PLCE1: variants seen among roughly 807,000 people sequenced by gnomAD.
PLCE1 encodes 1-phosphatidylinositol 4,5-bisphosphate phosphodiesterase epsilon-1.
Under a neutral mutation model 242.8 loss-of-function variants are expected in PLCE1, and 119 were observed. That is an observed-to-expected ratio of 0.49 (90% CI 0.42 to 0.57). The LOEUF (loss-of-function observed/expected upper bound fraction) is 0.57, where lower values mean the gene tolerates loss of function less well. PLCE1 is among the 20% of genes least tolerant of loss of function. The pLI is 0.00. For missense variants in PLCE1, 2,441 were observed against 2,788.8 expected (o/e 0.88, Z 2.81); for synonymous variants, 945 against 1,017.4 (o/e 0.93, Z 1.35).
chr10:94,111,526 G>A (rs1236339509), intron 2 of PLCE1, among the ~76,000 whole-genome samples: 5 of 152,180 alleles, frequency 3.3e-5, no homozygotes, highest in Non-Finnish European at 1.5e-5. Context: ...CCCTCAGCTT[G>A]CTGGTGGAAG....
chr10:94,184,545 G>A (rs1004619672), intron 4 of PLCE1, among the ~76,000 whole-genome samples: 1 of 152,126 alleles, frequency 6.6e-6, no homozygotes, highest in African/African-American at 2.4e-5. Context: ...GGCCAGGCTG[G>A]TTTTGAACTC....
chr10:94,055,028 A>AAT (rs1554845673), intron 2 of PLCE1, among the ~76,000 whole-genome samples: 4 of 151,236 alleles, frequency 2.6e-5, no homozygotes, highest in Non-Finnish European at 5.9e-5. Context: ...AAAAAAAAAA[A>AAT]GAAAAATGCC....
intron 19 of PLCE1, 174 bp from the exon 20 acceptor site, chr10:94,279,608 C>G (rs1564855892): frequency 3.0e-6 from 2 of 670,102 alleles, no homozygotes; most frequent in Non-Finnish European, 5.3e-6. Flanking sequence ...AACGTTCACC[C>G]AAGTGTTGAC....
chr10:94,160,097 A>G (rs1488606361), intron 3 of PLCE1, among the ~76,000 whole-genome samples: 1 of 152,192 alleles, frequency 6.6e-6, no homozygotes. Context: ...ATGTGTCTTT[A>G]TAGCAGCATG....
chr10:94,134,752 C>T (rs1231707499), intron 3 of PLCE1, among the ~76,000 whole-genome samples: 1 of 152,148 alleles, frequency 6.6e-6, no homozygotes, highest in African/African-American at 2.4e-5. Flanking sequence ...AATTTGACTT[C>T]AATTGTATTT....
intron 4 of PLCE1, among the ~76,000 whole-genome samples, chr10:94,204,748 G>GAAGA (rs1554883694): frequency 9.0e-5 from 11 of 122,448 alleles, no homozygotes; most frequent in African/African-American, 2.0e-4. Flanking sequence ...AGAAGGGAGG[G>GAAGA]AGGAAGGAAG....
In PLCE1 at chr10:94,171,373, C is replaced by T. The variant is rs1383346391; in HGVS notation, c.1686C>T (p.Asp562=). 2 of 1,614,172 alleles carry T rather than the reference C, an allele frequency of 1.2e-6. No homozygotes were observed. The highest frequency in any genetic ancestry group is 1.7e-6 in the Non-Finnish European group (2 of 1,180,020). ...ACTACCTTTGCTTCTTAACACGGGA[C>T]TTGGGCACTCCTGAATGCCAGAGCT... ...PVDYLCFLTR[D]LGTPECQSSL... The change falls in exon 4 of 33, where the codon GAC becomes GAT. Residue 562 remains aspartate (D), a synonymous_variant. Transcript: ENST00000371380.
intron 1 of PLCE1, among the ~76,000 whole-genome samples, chr10:94,003,063 T>C (rs2060962435): frequency 6.6e-6 from 1 of 152,234 alleles, no homozygotes; most frequent in Non-Finnish European, 1.5e-5. Flanking sequence ...ATATTTTTTA[T>C]TTAATCAACT....
intron 32 of PLCE1, among the ~76,000 whole-genome samples, chr10:94,326,078 C>T (rs2054005877): frequency 1.3e-5 from 2 of 152,164 alleles, no homozygotes; most frequent in African/African-American, 4.8e-5. Context: ...TGGTAAGTCT[C>T]TCCTTTTCGC....
At chr10:94,144,136 C>T (rs1342741546) in intron 3 of PLCE1, among the ~76,000 whole-genome samples, 1 of 152,194 alleles carries the variant, frequency 6.6e-6, no homozygotes, top group Admixed American at 6.5e-5. Flanking sequence ...TGATACACTA[C>T]CAAGTCTAGA....
intron 4 of PLCE1, among the ~76,000 whole-genome samples, chr10:94,215,163 G>A (rs906107885): frequency 6.6e-6 from 1 of 152,176 alleles, no homozygotes; most frequent in South Asian, 2.1e-4. Context: ...GATCAAGCAG[G>A]CAGCTCTGGG....
chr10:94,262,821 C>T (rs2051350499), intron 14 of PLCE1, 89 bp downstream of exon 14: 5 of 952,604 alleles, frequency 5.2e-6, no homozygotes, highest in Non-Finnish European at 8.6e-6. Context: ...TTCTATACTT[C>T]TTTCCAAAGC....
chr10:94,152,357 C>A (rs575347504), intron 3 of PLCE1, among the ~76,000 whole-genome samples: 1 of 152,318 alleles, frequency 6.6e-6, no homozygotes, highest in East Asian at 1.9e-4. Context: ...AGTAAGTATA[C>A]AATGAGTACT....
At chr10:94,196,494 T>C (rs575777748) in intron 4 of PLCE1, among the ~76,000 whole-genome samples, 1 of 152,182 alleles carries the variant, frequency 6.6e-6, no homozygotes, top group East Asian at 1.9e-4. Flanking sequence ...GGTGCAAGAC[T>C]TAGAGAGAGG....
At chr10:94,043,693 C>A (rs535790739) in intron 2 of PLCE1, among the ~76,000 whole-genome samples, 27 of 152,292 alleles carry the variant, frequency 1.8e-4, no homozygotes, top group Admixed American at 7.8e-4. Flanking sequence ...TGTTTAATAG[C>A]AAATGCATTA....
At chr10:94,219,417 C>G (rs1175785943) in intron 4 of PLCE1, among the ~76,000 whole-genome samples, 1 of 152,138 alleles carries the variant, frequency 6.6e-6, no homozygotes, top group Non-Finnish European at 1.5e-5. Flanking sequence ...CCTTCTTAGG[C>G]AGGCTTTCCT....
intron 2 of PLCE1, among the ~76,000 whole-genome samples, chr10:94,123,933 C>T (rs1025585681): frequency 2.0e-5 from 3 of 152,032 alleles, no homozygotes; most frequent in African/African-American, 7.2e-5. Context: ...GATAAGGGTG[C>T]TATTAGAAGC....
At chr10:94,029,069 G>C (rs1223128887) in intron 1 of PLCE1, among the ~76,000 whole-genome samples, 1 of 151,928 alleles carries the variant, frequency 6.6e-6, no homozygotes, top group African/African-American at 2.4e-5. Context: ...ACTTCAGCCT[G>C]GTAACAGAAT....
chr10:94,283,617 A>C, intron 20 of PLCE1, 173 bp from the exon 21 acceptor site: 1 of 619,706 alleles, frequency 1.6e-6, no homozygotes, highest in South Asian at 1.8e-5. Flanking sequence ...AACTGCATCA[A>C]CCCAATTTTT....
Sources: allele counts gnomAD v4.1 joint callset (sites outside exome capture counted in the v4.1 genomes callset), GRCh38; gene constraint gnomAD v4.1.1; transcripts MANE v1.5; gene names NCBI Gene and HGNC (gene_info 2026-07-23, HGNC 2026-07-21).